Variants in SPTBN5 observed in about 807,000 individuals in gnomAD.
The protein encoded by SPTBN5 is spectrin beta, non-erythrocytic 5.
Under a neutral mutation model 477.6 loss-of-function variants are expected in SPTBN5, and 513 were observed. The observed-to-expected ratio is 1.07, with a 90% CI of 1.00 to 1.16. The LOEUF is 1.16. SPTBN5 is among the 50% of genes most tolerant of loss of function. SPTBN5 has a pLI of 0.00. For synonymous variants in SPTBN5, 2,169 were observed against 2,011.7 expected (o/e 1.08, Z -2.09); for missense variants, 5,062 against 4,731.8 (o/e 1.07, Z -2.05).
chr15:41,860,800 C>T (rs1411801511), intron 46 of SPTBN5, 42 bp from the exon 47 acceptor site: 1 of 1,435,076 alleles, frequency 7.0e-7, no homozygotes. Flanking sequence ...TGAGCCTCCC[C>T]CTCCCATCCC....
intron 40 of SPTBN5, 45 bp downstream of exon 40, chr15:41,863,864 C>T (rs1227749175): frequency 2.5e-6 from 4 of 1,612,906 alleles, no homozygotes; most frequent in Non-Finnish European, 3.4e-6. Flanking sequence ...GGTGGCCTTC[C>T]ACCCCTCTTC....
At chr15:41,855,111 G>A (rs993280911) in intron 55 of SPTBN5, 113 bp downstream of exon 55, 1 of 1,437,218 alleles carries the variant, frequency 7.0e-7, no homozygotes, top group Non-Finnish European at 9.4e-7. Context: ...ATCCTCCCTA[G>A]GACACCCTCT....
chr15:41,857,827 A>C, intron 49 of SPTBN5, 117 bp from the exon 50 acceptor site: 1 of 1,258,878 alleles, frequency 7.9e-7, no homozygotes, highest in Non-Finnish European at 1.1e-6. Context: ...CAGCTGCATG[A>C]TCTTGAGCAA....
chr15:41,853,508 C>T, intron 58 of SPTBN5, 61 bp from the exon 59 acceptor site: 1 of 1,535,322 alleles, frequency 6.5e-7, no homozygotes. Flanking sequence ...AGGGAGGGTC[C>T]AGCTCCCCCA....
chr15:41,879,573 T>C (rs948877349), intron 15 of SPTBN5, 74 bp from the exon 16 acceptor site: 5 of 1,520,576 alleles, frequency 3.3e-6, no homozygotes, highest in Non-Finnish European at 4.4e-6. Context: ...GGCCAGAGCC[T>C]CACGTGACAG....
chr15:41,888,248 T>A (rs1355288230), intron 4 of SPTBN5, among the ~76,000 whole-genome samples, 163 bp from the exon 5 acceptor site: 1 of 152,206 alleles, frequency 6.6e-6, no homozygotes, highest in African/African-American at 2.4e-5. Context: ...TTTGCCCAAT[T>A]TCATCCACGG....
intron 7 of SPTBN5, among the ~76,000 whole-genome samples, chr15:41,883,950 C>G (rs1175926868): frequency 6.6e-6 from 1 of 151,992 alleles, no homozygotes; most frequent in African/African-American, 2.4e-5. Context: ...GCCACCATGC[C>G]CGGCTAATTT....
intron 53 of SPTBN5, among the ~76,000 whole-genome samples, chr15:41,856,055 T>G (rs901608446): frequency 1.3e-5 from 2 of 152,292 alleles, no homozygotes; most frequent in African/African-American, 4.8e-5. Context: ...TCCCTTTCAC[T>G]TATTAGCCTT....
At position 41,893,566 on chromosome 15, in the gene SPTBN5, G is replaced by C; in HGVS notation, c.-49-20C>G. On this transcript the variant is annotated intron_variant, in intron 1 of 67. Coordinates refer to ENST00000320955, the MANE Select transcript of SPTBN5 (RefSeq NM_016642.4). ...CTAAACCTGGAGGGCATGCAGATTAGGGGATGATGTGAATGGAGATGGCCC... is the reference window on the plus strand; with the variant it reads ...CTAAACCTGGAGGGCATGCAGATTACGGGATGATGTGAATGGAGATGGCCC... 1 of 1,523,244 alleles carries C rather than the reference G, an allele frequency of 6.6e-7. No homozygotes were observed. 94.4% of individuals were successfully genotyped at this position (1,523,244 alleles called of 1,614,324 possible).
chr15:41,870,871 C>T (rs111832578), intron 29 of SPTBN5, among the ~76,000 whole-genome samples: 29 of 152,368 alleles, frequency 1.9e-4, no homozygotes, highest in Non-Finnish European at 3.4e-4. Context: ...TGATCACAGA[C>T]GCTTTGTGGG....
intron 16 of SPTBN5, 107 bp downstream of exon 16, chr15:41,879,153 C>G: frequency 7.3e-7 from 1 of 1,369,618 alleles, no homozygotes; most frequent in Non-Finnish European, 9.8e-7. Context: ...GCCCTCCTAC[C>G]TGTTGTCTCC....
intron 18 of SPTBN5, 29 bp from the exon 19 acceptor site, chr15:41,876,977 C>G: frequency 6.3e-7 from 1 of 1,591,388 alleles, no homozygotes; most frequent in South Asian, 1.1e-5. Flanking sequence ...GAGGTCATGC[C>G]TGGGAGAATG....
Position 41,857,287 on chromosome 15 carries a change from GGCCTTCCCTCACA to G in SPTBN5, c.8559_8571del (p.Val2854ThrfsTer21). On this transcript the variant is annotated frameshift_variant, in exon 51 of 68. Coordinates refer to ENST00000320955, the MANE Select transcript of SPTBN5 (RefSeq NM_016642.4). LOFTEE classifies it high-confidence loss of function. ...TCTTCCACATCTTGGGCAAGGCAGT[GGCCTTCCCTCACA>G]AAGGCCTGGGCCTGGCCCAGCAGTG... 6.4e-7 allele frequency: 1 copy of G among 1,573,972 alleles called. No homozygotes were observed. Among genetic ancestry groups the G allele is most frequent in the Non-Finnish European group, 8.6e-7 (1 of 1,160,188 alleles).
At chr15:41,875,788 G>C (rs1430600928) in intron 21 of SPTBN5, among the ~76,000 whole-genome samples, 166 bp from the exon 22 acceptor site, 2 of 152,194 alleles carry the variant, frequency 1.3e-5, no homozygotes, top group African/African-American at 4.8e-5. Context: ...CTGCAGGTAG[G>C]GGGGCTTTCC....
Position 41,879,332 on chromosome 15 carries a change from G to T in SPTBN5, c.3110C>A (p.Ala1037Asp), listed in dbSNP as rs1227765344. 3.7e-6 allele frequency: 6 copies of T among 1,609,912 alleles called. No individual in the cohort carries two copies. The highest frequency in any genetic ancestry group is 4.2e-6 in the Non-Finnish European group (5 of 1,179,688). The change falls in exon 16 of 68, where the codon GCC (alanine) becomes GAC (aspartate). Residue 1037 changes from alanine (A) to aspartate (D), a missense_variant. By Grantham distance (126) the Ala-to-Asp change is moderately radical. Transcript: ENST00000320955. The part of the protein sequence containing the change: ...QPGSSEDTCH[A>D]LQLAQKKTLV... ...GGTCTTCTTCTGGGCCAGCTGCAGG[G>T]CGTGGCAGGTGTCCTCTGAGCTCCC...
At chr15:41,882,227 G>A (rs1431151886) in intron 11 of SPTBN5, 42 bp downstream of exon 11, 9 of 943,104 alleles carry the variant, frequency 9.5e-6, no homozygotes, top group East Asian at 3.4e-5. Context: ...CCCCCGCCTC[G>A]CCGGGCCCCG....
intron 35 of SPTBN5, among the ~76,000 whole-genome samples, 157 bp from the exon 36 acceptor site, chr15:41,867,283 G>C (rs1392080877): frequency 6.6e-6 from 1 of 152,194 alleles, no homozygotes; most frequent in Non-Finnish European, 1.5e-5. Flanking sequence ...AGCCAGACCA[G>C]TCTGCTCCCC....
rs751154431 is a variant in SPTBN5 at position 41,853,392 on chromosome 15, C to T, written c.10036G>A (p.Val3346Met). 7.5e-6 allele frequency: 12 copies of T among 1,607,394 alleles called. No homozygotes were observed. The highest frequency in any genetic ancestry group is 6.7e-5 in the East Asian group (3 of 44,670). The change falls in exon 59 of 68, where the codon GTG becomes ATG. Residue 3346 changes from valine (V) to methionine (M), a missense_variant. Val to Met is a conservative substitution (Grantham distance 21, BLOSUM62 1). Coordinates refer to ENST00000320955, the MANE Select transcript of SPTBN5 (RefSeq NM_016642.4). ...LASSEELAED[V>M]AGAEQLLGQH... ...CCAAGGAGCTGCTCAGCCCCCGCCA[C>T]GTCCTCAGCCAGCTCCTCGGAGGAC...
intron 1 of SPTBN5, 175 bp from the exon 2 acceptor site, chr15:41,893,721 T>C (rs1267571576): frequency 2.7e-6 from 2 of 731,410 alleles, no homozygotes; most frequent in Middle Eastern, 4.0e-4. Flanking sequence ...AGGGCCCCCT[T>C]TGCCCCACCC....
Sources: gnomAD v4.1 joint callset for allele counts (sites outside exome capture counted in the v4.1 genomes callset) on GRCh38, gnomAD v4.1.1 for gene constraint, MANE v1.5 for transcripts, NCBI Gene and HGNC (gene_info 2026-07-23, HGNC 2026-07-21) for gene names.